CDR2L: variants seen among roughly 807,000 people sequenced by gnomAD.
The protein encoded by CDR2L is cerebellar degeneration-related protein 2-like.
A neutral mutation model predicts 36.1 loss-of-function variants in CDR2L; 19 were observed. The observed-to-expected ratio is 0.53, with a 90% CI of 0.37 to 0.77. The LOEUF is 0.77. CDR2L is among the 30% of genes least tolerant of loss of function. The probability of loss-of-function intolerance (pLI) is 0.00; values close to 1 mark genes in which losing one functional copy is unlikely to be tolerated. For synonymous variants in CDR2L, 285 were observed against 280.4 expected (o/e 1.02, Z -0.16); for missense variants, 575 against 627.2 (o/e 0.92, Z 0.89).
chr17:75,003,724 A>G lies in CDR2L; in HGVS notation c.1048A>G (p.Met350Val). ...LHANSVRKRG[M>V]SILREVDEQY... Reference sequence around the variant, plus strand: ...CGCCAACAGCGTGCGCAAGCGGGGCATGTCCATCCTGCGGGAGGTGGACGA... The same window carrying G: ...CGCCAACAGCGTGCGCAAGCGGGGCGTGTCCATCCTGCGGGAGGTGGACGA... The change falls in exon 5 of 5, where the codon ATG (methionine) becomes GTG (valine). Residue 350 changes from methionine to valine, a missense_variant. By Grantham distance (21) the Met-to-Val change is conservative. Coordinates refer to ENST00000337231, the MANE Select transcript of CDR2L (RefSeq NM_014603.3). The G allele has an allele frequency of 6.8e-7, 1 of 1,470,684 alleles. No homozygotes were observed. Among genetic ancestry groups the G allele is most frequent in the Non-Finnish European group, 9.0e-7 (1 of 1,109,136 alleles). The allele number at this position is 1,470,684 out of a possible 1,614,324, so 91.1% of individuals were successfully genotyped here.
chr17:74,993,144 T>A (rs760965826), intron 1 of CDR2L, among the ~76,000 whole-genome samples: 11 of 152,196 alleles, frequency 7.2e-5, no homozygotes, highest in Non-Finnish European at 1.3e-4. Flanking sequence ...CTGTTCAGGA[T>A]GAGCTAAATT....
intron 1 of CDR2L, among the ~76,000 whole-genome samples, chr17:74,994,589 TG>T (rs1279053111): frequency 8.5e-5 from 13 of 152,350 alleles, no homozygotes; most frequent in Middle Eastern, 3.4e-3. Context: ...CAAAACGTTT[TG>T]TACAACAAAG....
rs892939625 is a variant in CDR2L, at chr17:75,003,700, G to A, written c.1024G>A (p.Ala342Thr). The A allele has an allele frequency of 6.8e-7, 1 of 1,464,784 alleles. No homozygotes were observed. The highest frequency in any genetic ancestry group is 9.0e-7 in the Non-Finnish European group (1 of 1,107,098). The allele number at this position is 1,464,784 out of a possible 1,614,324, so 90.7% of individuals were successfully genotyped here. ...SRHAGNLTLH[A>T]NSVRKRGMSI... ...GCACGCGGGCAACCTCACACTGCACGCCAACAGCGTGCGCAAGCGGGGCAT... is the reference window on the plus strand; with the variant it reads ...GCACGCGGGCAACCTCACACTGCACACCAACAGCGTGCGCAAGCGGGGCAT... Residue 342 changes from alanine (A) to threonine (T), a missense_variant, in exon 5 of 5, where the codon GCC (alanine) becomes ACC (threonine). Physicochemically the swap from Ala to Thr is moderately conservative, Grantham distance 58. Coordinates refer to ENST00000337231, the MANE Select transcript of CDR2L (RefSeq NM_014603.3).
In CDR2L at chr17:75,005,023, A is replaced by T. The variant is rs2039894776; in HGVS notation, c.*949A>T. 6.6e-6 allele frequency: 1 copy of T among 152,654 alleles called. No individual in the cohort carries two copies. The allele number at this position is 152,654 out of a possible 1,614,324, so 9.5% of individuals were successfully genotyped here. A position where few individuals can be genotyped will look rare whatever the true frequency, so the allele number is the denominator to read the frequency against. On this transcript the variant is annotated 3_prime_UTR_variant, in exon 5 of 5. Coordinates refer to ENST00000337231, the MANE Select transcript of CDR2L (RefSeq NM_014603.3). The surrounding 1 kb of genome is among the most constrained non-coding windows in gnomAD (Gnocchi z 4.2). ...CCACAGGCCAACCCTGGCACAGGTCATGTCTGCAGCCCCCAGAATGTTCTG... is the reference window on the plus strand; with the variant it reads ...CCACAGGCCAACCCTGGCACAGGTCTTGTCTGCAGCCCCCAGAATGTTCTG...
At position 75,002,328 on chromosome 17, in the gene CDR2L, C is replaced by T; in HGVS notation, c.506+100C>T. The T allele has an allele frequency of 9.5e-7, 1 of 1,055,040 alleles. No individual in the cohort carries two copies. Among genetic ancestry groups the T allele is most frequent in the Non-Finnish European group, 1.4e-6 (1 of 725,944 alleles). The allele number at this position is 1,055,040 out of a possible 1,614,324, so 65.4% of individuals were successfully genotyped here. A position where few individuals can be genotyped will look rare whatever the true frequency, so the allele number is the denominator to read the frequency against. ...GCAGTTGGTGCATCATCCAGGCCATCAGAGAGACTGGTCCTGTTGCTAATG... is the reference window on the plus strand; with the variant it reads ...GCAGTTGGTGCATCATCCAGGCCATTAGAGAGACTGGTCCTGTTGCTAATG... On this transcript the variant is annotated intron_variant, in intron 4 of 4. Coordinates refer to ENST00000337231, the MANE Select transcript of CDR2L (RefSeq NM_014603.3). This position sits in a 1 kb window ranked among gnomAD's most constrained non-coding sequence, Gnocchi z 4.1.
chr17:74,998,444 A>C (rs1316580800), intron 1 of CDR2L, among the ~76,000 whole-genome samples: 6 of 151,604 alleles, frequency 4.0e-5, no homozygotes, highest in Non-Finnish European at 8.8e-5. Flanking sequence ...CGTTGAGCCC[A>C]GGAGTTCAAG....
intron 1 of CDR2L, among the ~76,000 whole-genome samples, chr17:74,994,867 G>A (rs1447078772): frequency 1.3e-5 from 2 of 152,028 alleles, no homozygotes; most frequent in East Asian, 1.9e-4. Flanking sequence ...TCAAGAGATC[G>A]AGACCATCCT....
Position 75,001,379 on chromosome 17 carries a change from C to A in CDR2L, c.231C>A (p.Asn77Lys). The change falls in exon 3 of 5, where the codon AAC (asparagine) becomes AAA (lysine). Residue 77 changes from asparagine (N) to lysine (K), a missense_variant. Physicochemically the swap from Asn to Lys is moderately conservative, Grantham distance 94. Transcript: ENST00000337231. ...TKQLDTLRHVNEQHAKVYEQL... is the reference protein window; with the variant it reads ...TKQLDTLRHVKEQHAKVYEQL... ...AGCTGGACACGCTGCGGCACGTGAA[C>A]GAGCAGCACGCCAAAGTCTATGAGC... 1 of 1,611,342 alleles carries A rather than the reference C, an allele frequency of 6.2e-7. No homozygotes were observed. Among genetic ancestry groups the A allele is most frequent in the East Asian group, 2.2e-5 (1 of 44,830 alleles).
intron 1 of CDR2L, among the ~76,000 whole-genome samples, chr17:74,988,388 A>G (rs1175163866): frequency 6.6e-6 from 1 of 152,160 alleles, no homozygotes; most frequent in Non-Finnish European, 1.5e-5. Flanking sequence ...TCCGTCATCC[A>G]GCTCGCCCAC....
intron 2 of CDR2L, 66 bp from the exon 3 acceptor site, chr17:75,001,275 G>A (rs1567975437): frequency 6.7e-7 from 1 of 1,489,872 alleles, no homozygotes; most frequent in South Asian, 1.4e-5. Flanking sequence ...GAAGTAGGAG[G>A]GTCTAGGCAG....
At chr17:74,995,415 G>A (rs999048123) in intron 1 of CDR2L, among the ~76,000 whole-genome samples, 6 of 152,004 alleles carry the variant, frequency 3.9e-5, no homozygotes, top group East Asian at 1.9e-4. Context: ...CTCCCACCTC[G>A]GCCTCCCAAA....
At chr17:74,988,371 C>T (rs902571325) in intron 1 of CDR2L, among the ~76,000 whole-genome samples, 8 of 152,186 alleles carry the variant, frequency 5.3e-5, no homozygotes, top group African/African-American at 1.9e-4. Context: ...TCCCAGACGA[C>T]CGGGCATCCG....
intron 2 of CDR2L, among the ~76,000 whole-genome samples, chr17:75,000,917 CA>C (rs1041610146): frequency 2.2e-4 from 33 of 149,620 alleles, no homozygotes; most frequent in Admixed American, 4.7e-4. Flanking sequence ...GACTCCGTCT[CA>C]AAAAAAATAA....
intron 1 of CDR2L, among the ~76,000 whole-genome samples, chr17:74,997,003 T>C (rs1379672796): frequency 6.6e-6 from 1 of 151,948 alleles, no homozygotes; most frequent in African/African-American, 2.4e-5. Context: ...TTCTGCTCTC[T>C]CTGCCTCTCA....
chr17:74,990,016 C>A (rs970528477), intron 1 of CDR2L, among the ~76,000 whole-genome samples: 10 of 152,186 alleles, frequency 6.6e-5, no homozygotes, highest in African/African-American at 2.4e-4. Context: ...AAACTGAGTT[C>A]TTGAGAAGAT....
chr17:75,003,892 G>T lies in CDR2L; in HGVS notation c.1216G>T (p.Glu406Ter). ...SSWRDLRGGE[E>*]GQGEVKAGEK... The stretch of plus-strand genomic sequence containing the variant: ...GTGGAGGGACCTGCGCGGGGGTGAG[G>T]AGGGCCAGGGTGAGGTCAAGGCAGG... Residue 406 changes from glutamate (E) to a stop codon, truncating the protein, a stop_gained, in exon 5 of 5, where the codon GAG (glutamate) becomes TAG (stop). Coordinates refer to ENST00000337231, the MANE Select transcript of CDR2L (RefSeq NM_014603.3). LOFTEE classifies it high-confidence loss of function. The T allele has an allele frequency of 6.2e-7, 1 of 1,606,732 alleles. No homozygotes were observed. The highest frequency in any genetic ancestry group is 8.5e-7 in the Non-Finnish European group (1 of 1,176,922).
In CDR2L at chr17:75,003,965, A is replaced by C. The variant is rs1567976455; in HGVS notation, c.1289A>C (p.Glu430Ala). ...QHVEAVDKRL[E>A]QSQPEYKALF... ...GTGGAGGCCGTGGACAAGCGGCTGG[A>C]ACAGAGCCAGCCCGAGTACAAGGCG... Residue 430 changes from glutamate to alanine, a missense_variant, in exon 5 of 5, where the codon GAA becomes GCA. Transcript: ENST00000337231. 3 of 1,610,282 alleles carry C rather than the reference A, an allele frequency of 1.9e-6. No individual in the cohort carries two copies. The East Asian group carries it at 6.7e-5, about 36-fold the overall frequency.
chr17:75,002,793 T>G lies in CDR2L; in HGVS notation c.507-390T>G, dbSNP rs375643258. ...GAGGAGCTGCCACCAGCCCTAGGCC[T>G]CAAAGCGCAAGGGGGAAGGGAGGTT... On this transcript the variant is annotated intron_variant, in intron 4 of 4. Coordinates refer to ENST00000337231, the MANE Select transcript of CDR2L (RefSeq NM_014603.3). The surrounding 1 kb of genome is among the most constrained non-coding windows in gnomAD (Gnocchi z 4.1). Among the ~76,000 whole-genome samples the G allele has an allele frequency of 5.9e-4, 90 of 152,152 alleles. 1 individual carries two copies. The East Asian group carries it at 0.016, about 27-fold the overall frequency.
chr17:75,003,540 C>T lies in CDR2L; in HGVS notation c.864C>T (p.Pro288=), dbSNP rs1229314746. 3.3e-6 allele frequency: 5 copies of T among 1,513,972 alleles called. No individual in the cohort carries two copies. In the South Asian group the frequency reaches 5.1e-5, roughly 15 times the overall value. The allele number at this position is 1,513,972 out of a possible 1,614,324, so 93.8% of individuals were successfully genotyped here. ...PLTQAPEADD[P]QPGRGDDLGA... ...CGCAGGCCCCTGAGGCCGACGATCCCCAGCCCGGCCGCGGGGACGACTTGG... is the reference window on the plus strand; with the variant it reads ...CGCAGGCCCCTGAGGCCGACGATCCTCAGCCCGGCCGCGGGGACGACTTGG... The change falls in exon 5 of 5, where the codon CCC becomes CCT. Residue 288 remains proline (P), a synonymous_variant. Transcript: ENST00000337231.
Sources: allele counts gnomAD v4.1 joint callset (sites outside exome capture counted in the v4.1 genomes callset), GRCh38; gene constraint gnomAD v4.1.1; non-coding constraint Gnocchi (gnomAD v3.1); transcripts MANE v1.5; gene names NCBI Gene and HGNC (gene_info 2026-07-23, HGNC 2026-07-21).